Variants in SHTN1 observed in about 807,000 individuals in gnomAD.
SHTN1 encodes the protein shootin-1.
SHTN1 carries 42 observed loss-of-function variants against 83.1 expected under a neutral mutation model. The observed-to-expected ratio is 0.51, with a 90% CI of 0.39 to 0.65. The LOEUF (loss-of-function observed/expected upper bound fraction) is 0.65, where lower values mean the gene tolerates loss of function less well. Among genes scored for constraint, SHTN1 ranks in the 30% least tolerant of loss-of-function variants. The probability of loss-of-function intolerance (pLI) is 0.00; values close to 1 mark genes in which losing one functional copy is unlikely to be tolerated. For missense variants in SHTN1, 622 were observed against 737.8 expected, an observed-to-expected ratio of 0.84 and a Z score of 1.82; for synonymous variants, 224 against 247.7, an observed-to-expected ratio of 0.90 and a Z score of 0.90.
chr10:117,013,017 G>T (rs1470867730), intron 2 of SHTN1, among the ~76,000 whole-genome samples: 1 of 152,014 alleles, frequency 6.6e-6, no homozygotes, highest in Non-Finnish European at 1.5e-5. Flanking sequence ...GAAGTTTAAG[G>T]CTGCAGTGAA....
Position 117,005,139 on chromosome 10 carries a change from GA to G in SHTN1, c.-61del. ...GGGAGCGGCGCGGGGCACACAGGAG[GA>G]GGGGGAAGAAAAAGCAAGATGCCGG... On this transcript the variant is annotated 5_prime_UTR_variant, in exon 1 of 17. Transcript: ENST00000355371. 2 of 1,556,640 alleles carry G rather than the reference GA, an allele frequency of 1.3e-6. No homozygotes were observed. The highest frequency in any genetic ancestry group is 1.7e-6 in the Non-Finnish European group (2 of 1,149,614).
intron 1 of SHTN1, among the ~76,000 whole-genome samples, chr10:117,123,059 A>G (rs1180197338): frequency 6.6e-6 from 1 of 152,032 alleles, no homozygotes; most frequent in African/African-American, 2.4e-5. Context: ...CTGGAGTGCA[A>G]TGGTGTGATC....
chr10:117,048,265 C>A (rs1028923955), intron 2 of SHTN1, among the ~76,000 whole-genome samples: 1 of 152,088 alleles, frequency 6.6e-6, no homozygotes, highest in Admixed American at 6.5e-5. Flanking sequence ...AATAATGACT[C>A]CAGCATAACT....
chr10:116,898,943 ATGT>A (rs2133318115), intron 16 of SHTN1, among the ~76,000 whole-genome samples: 1 of 152,316 alleles, frequency 6.6e-6, no homozygotes, highest in African/African-American at 2.4e-5. Context: ...ATCTATACAT[ATGT>A]TGATTTTAGG....
intron 2 of SHTN1, among the ~76,000 whole-genome samples, chr10:117,019,384 G>A (rs1009609912): frequency 8.8e-4 from 134 of 151,594 alleles, no homozygotes; most frequent in African/African-American, 2.7e-3. Flanking sequence ...GGGCCTCACC[G>A]TGTTACCCAG....
upstream of SHTN1, among the ~76,000 whole-genome samples, chr10:117,007,169 C>G (rs74159021): frequency 0.057 from 8,626 of 151,848 alleles, 816 homozygotes; most frequent in African/African-American, 0.19. Context: ...ATAAAAAAAT[C>G]CGGGAGATTT....
intron 2 of SHTN1, among the ~76,000 whole-genome samples, chr10:116,969,141 C>A (rs879276814): frequency 6.6e-6 from 1 of 152,084 alleles, no homozygotes; most frequent in Non-Finnish European, 1.5e-5. Flanking sequence ...GAAAGACTAC[C>A]GCAGGCCAGG....
At chr10:117,030,832 A>C (rs1852404942) in intron 2 of SHTN1, among the ~76,000 whole-genome samples, 1 of 152,130 alleles carries the variant, frequency 6.6e-6, no homozygotes, top group African/African-American at 2.4e-5. Flanking sequence ...AAAAAGAATA[A>C]AAAACAATAA....
At chr10:117,062,640 A>G (rs1258659776) in intron 1 of SHTN1, among the ~76,000 whole-genome samples, 3 of 152,256 alleles carry the variant, frequency 2.0e-5, no homozygotes, top group South Asian at 4.1e-4. Flanking sequence ...TGTGAAAATT[A>G]AATGAGACAT....
intron 1 of SHTN1, among the ~76,000 whole-genome samples, chr10:117,058,031 A>C (rs1852850130): frequency 6.6e-6 from 1 of 152,196 alleles, no homozygotes; most frequent in African/African-American, 2.4e-5. Flanking sequence ...AATTCACTCG[A>C]AATGCATCAA....
intron 4 of SHTN1, 22 bp from the exon 5 acceptor site, chr10:116,954,232 G>A: frequency 6.6e-7 from 1 of 1,526,460 alleles, no homozygotes; most frequent in Non-Finnish European, 8.9e-7. Context: ...TATAAAAACA[G>A]TTATTTTAAA....
intron 1 of SHTN1, among the ~76,000 whole-genome samples, chr10:117,072,554 CCCCAGTACA>C (rs1853098347): frequency 6.6e-6 from 1 of 152,126 alleles, no homozygotes; most frequent in South Asian, 2.1e-4. Flanking sequence ...TGCAGACAAC[CCCCAGTACA>C]AGCCCAGAGC....
At chr10:117,075,288 T>C (rs1853136315) in intron 1 of SHTN1, among the ~76,000 whole-genome samples, 2 of 152,164 alleles carry the variant, frequency 1.3e-5, no homozygotes, top group Admixed American at 1.3e-4. Flanking sequence ...AGTTGTTCAT[T>C]CCTGCCCTGA....
chr10:117,031,109 A>T (rs1852408292), intron 2 of SHTN1, among the ~76,000 whole-genome samples: 1 of 152,334 alleles, frequency 6.6e-6, no homozygotes, highest in East Asian at 1.9e-4. Flanking sequence ...TCCTAAAAGC[A>T]GCAAGAGAAG....
At chr10:116,968,421 C>T (rs1850477740) in intron 3 of SHTN1, among the ~76,000 whole-genome samples, 1 of 152,172 alleles carries the variant, frequency 6.6e-6, no homozygotes, top group Non-Finnish European at 1.5e-5. Flanking sequence ...TATAGTTAAA[C>T]TGTTTTATAA....
chr10:116,948,952 G>C lies in SHTN1; in HGVS notation c.580C>G (p.Leu194Val). The C allele has an allele frequency of 6.4e-7, 1 of 1,574,740 alleles. No homozygotes were observed. The highest frequency in any genetic ancestry group is 8.6e-7 in the Non-Finnish European group (1 of 1,161,398). The change falls in exon 7 of 17, where the codon CTT becomes GTT. Residue 194 changes from leucine (L) to valine (V), a missense_variant. This residue lies in a region of SHTN1 where 383 missense variants were observed against 455.8 expected (regional missense o/e 0.84). Transcript: ENST00000355371. ...QEKTVLNSEVLEQRKVLEKCN... is the reference protein window; with the variant it reads ...QEKTVLNSEVVEQRKVLEKCN... ...TTTTCTAAGACTTTTCTCTGTTCAA[G>C]AACTTCTGAATTTAAAACAGTCTTT...
intron 3 of SHTN1, among the ~76,000 whole-genome samples, chr10:116,966,399 G>C (rs1035927559): frequency 2.6e-5 from 4 of 152,124 alleles, no homozygotes; most frequent in African/African-American, 9.7e-5. Flanking sequence ...AAAAGAATTA[G>C]TACTCTGTTT....
At chr10:117,114,321 A>G (rs1000530809) in intron 1 of SHTN1, among the ~76,000 whole-genome samples, 6 of 152,190 alleles carry the variant, frequency 3.9e-5, no homozygotes, top group African/African-American at 1.4e-4. Context: ...CCAGGCACCA[A>G]GCTAGCTTAT....
chr10:116,995,118 C>T (rs1208832322), intron 1 of SHTN1, among the ~76,000 whole-genome samples: 2 of 152,060 alleles, frequency 1.3e-5, no homozygotes, highest in African/African-American at 2.4e-5. Context: ...GATCTTTAAC[C>T]ATGGCCATTT....
Sources: gnomAD v4.1 joint callset for allele counts (sites outside exome capture counted in the v4.1 genomes callset) on GRCh38, gnomAD v4.1.1 for gene constraint, gnomAD v4.1.1 regional missense constraint, MANE v1.5 for transcripts, NCBI Gene and HGNC (gene_info 2026-07-23, HGNC 2026-07-21) for gene names.